The following TSPAN9 variants were observed in gnomAD, a reference collection of about 807,000 sequenced individuals.
TSPAN9 encodes tetraspanin 9, also known as tetraspanin-9.
TSPAN9 carries 16 observed loss-of-function variants against 31.0 expected under a neutral mutation model. That is an observed-to-expected ratio of 0.52 (90% CI 0.35 to 0.78). TSPAN9 has a LOEUF of 0.78. Ranked by LOEUF, TSPAN9 falls within the 30% of genes least tolerant of loss-of-function variation. The probability of loss-of-function intolerance (pLI) is 0.01; values close to 1 mark genes in which losing one functional copy is unlikely to be tolerated. For missense variants in TSPAN9, 272 were observed against 312.5 expected (o/e 0.87, Z 0.98); for synonymous variants, 145 against 121.6 (o/e 1.19, Z -1.27).
chr12:3,160,959 G>A (rs1238318903), intron 2 of TSPAN9, among the ~76,000 whole-genome samples: 1 of 152,092 alleles, frequency 6.6e-6, no homozygotes, highest in Non-Finnish European at 1.5e-5. Context: ...GGTGGCTCAC[G>A]CCTATAATCC....
chr12:3,118,256 GTTTTTTTTTTTTTT>G (rs72307230), intron 2 of TSPAN9, among the ~76,000 whole-genome samples: 1 of 31,582 alleles, frequency 3.2e-5, no homozygotes, highest in Non-Finnish European at 6.4e-5. Context: ...TGCACCCGCC[GTTTTTTTTTTTTTT>G]TTTTTTTTTT....
At chr12:3,268,183 C>CGTTCCTGCAGCCTGCCCTCCCTGT (rs1862575422) in intron 3 of TSPAN9, among the ~76,000 whole-genome samples, 1 of 130,844 alleles carries the variant, frequency 7.6e-6, no homozygotes, top group Non-Finnish European at 1.6e-5. Flanking sequence ...ACCCTCCGTG[C>CGTTCCTGCAGCCTGCCCTCCCTGT]GTTCCTGCAG....
At chr12:3,113,305 A>C (rs1319070613) in intron 2 of TSPAN9, among the ~76,000 whole-genome samples, 2 of 152,154 alleles carry the variant, frequency 1.3e-5, no homozygotes, top group African/African-American at 2.4e-5. Flanking sequence ...TGGACCCTGC[A>C]AAGGATGGAG....
chr12:3,274,825 C>A (rs917831090), intron 3 of TSPAN9, among the ~76,000 whole-genome samples: 32 of 152,244 alleles, frequency 2.1e-4, no homozygotes, highest in African/African-American at 7.5e-4. Flanking sequence ...CTGTACTGCA[C>A]AGGCCTCCTC....
intron 3 of TSPAN9, among the ~76,000 whole-genome samples, chr12:3,220,312 T>C (rs2098383763): frequency 6.6e-6 from 1 of 152,198 alleles, no homozygotes; most frequent in Non-Finnish European, 1.5e-5. Context: ...TCCGTGCTCT[T>C]AACCACTATT....
rs1047947204 is a variant in TSPAN9, at chr12:3,100,310, C to G, written c.-18+16591C>G. 1.5e-3 allele frequency among the ~76,000 whole-genome samples: 231 copies of G among 152,262 alleles called. 1 individual carries two copies. Among genetic ancestry groups the G allele is most frequent in the Non-Finnish European group, 1.6e-4 (11 of 68,032 alleles). On this transcript the variant is annotated intron_variant, in intron 2 of 8. Coordinates refer to ENST00000011898, the MANE Select transcript of TSPAN9 (RefSeq NM_006675.5). ...AGAGTCTGGGTACTCTTCTCGAAGT[C>G]TCTTCGCACTCTCTGCTCTCCTCTC... is the stretch of plus-strand genomic sequence containing the variant.
chr12:3,138,269 C>T (rs1409098783), intron 2 of TSPAN9, among the ~76,000 whole-genome samples: 1 of 152,148 alleles, frequency 6.6e-6, no homozygotes, highest in African/African-American at 2.4e-5. Context: ...AGACGAGAGC[C>T]CTGGGGCTGG....
intron 2 of TSPAN9, among the ~76,000 whole-genome samples, chr12:3,142,024 C>T (rs991718624): frequency 6.6e-6 from 1 of 152,198 alleles, no homozygotes; most frequent in East Asian, 1.9e-4. Context: ...TCAGGCATTG[C>T]GCTAAGTGTC....
intron 3 of TSPAN9, among the ~76,000 whole-genome samples, chr12:3,238,579 G>T (rs1449312962): frequency 6.6e-6 from 1 of 152,218 alleles, no homozygotes; most frequent in Non-Finnish European, 1.5e-5. Context: ...CACGGGAACG[G>T]CCCTGGCTGA....
At chr12:3,183,868 T>C (rs2098359703) in intron 2 of TSPAN9, among the ~76,000 whole-genome samples, 2 of 152,182 alleles carry the variant, frequency 1.3e-5, no homozygotes. Context: ...GTAAGTTGGG[T>C]ACAATGATGT....
At chr12:3,185,612 C>T (rs550457081) in intron 2 of TSPAN9, among the ~76,000 whole-genome samples, 46 of 152,310 alleles carry the variant, frequency 3.0e-4, no homozygotes, top group African/African-American at 8.9e-4. Flanking sequence ...ACCTCCACCC[C>T]GGCTGCCAGC....
At chr12:3,242,528 C>T (rs1007768061) in intron 3 of TSPAN9, among the ~76,000 whole-genome samples, 1 of 152,252 alleles carries the variant, frequency 6.6e-6, no homozygotes, top group African/African-American at 2.4e-5. Context: ...AACTGGGTCC[C>T]CTGGTGGCCA....
chr12:3,122,389 A>C (rs1013276214), intron 2 of TSPAN9, among the ~76,000 whole-genome samples: 2 of 151,806 alleles, frequency 1.3e-5, no homozygotes, highest in Admixed American at 6.6e-5. Context: ...ATCATAGCTC[A>C]CTGCAGCGTT....
chr12:3,159,481 T>C (rs991086599), intron 2 of TSPAN9, among the ~76,000 whole-genome samples: 3 of 152,100 alleles, frequency 2.0e-5, no homozygotes, highest in African/African-American at 4.8e-5. Context: ...TGTGACTGTA[T>C]TTGGAGGGAG....
rs116365976 is a variant in TSPAN9, at chr12:3,244,363, C to T, written c.64-34058C>T. Reference sequence around the variant, plus strand: ...ACTCCCTCAAGGCCTGTGGACATCTCGGGGTGAGGTGTGTGGAAGCCCCAC... The same window carrying T: ...ACTCCCTCAAGGCCTGTGGACATCTTGGGGTGAGGTGTGTGGAAGCCCCAC... On this transcript the variant is annotated intron_variant, in intron 3 of 8. Coordinates refer to ENST00000011898, the MANE Select transcript of TSPAN9 (RefSeq NM_006675.5). Among the ~76,000 whole-genome samples, 891 of 152,314 alleles carry T rather than the reference C, an allele frequency of 5.8e-3. 8 individuals are homozygous for T. The highest frequency in any genetic ancestry group is 0.019 in the African/African-American group (780 of 41,564).
At chr12:3,255,082 C>T (rs912353618) in intron 3 of TSPAN9, among the ~76,000 whole-genome samples, 1 of 152,206 alleles carries the variant, frequency 6.6e-6, no homozygotes, top group African/African-American at 2.4e-5. Context: ...CCCTTTGTCC[C>T]CCAGAGCCCA....
chr12:3,142,825 G>A (rs2098335501), intron 2 of TSPAN9, among the ~76,000 whole-genome samples: 2 of 152,204 alleles, frequency 1.3e-5, no homozygotes, highest in African/African-American at 2.4e-5. Flanking sequence ...CATTGGAATA[G>A]CGTTATTAAC....
At chr12:3,217,448 G>T (rs895804983) in intron 3 of TSPAN9, among the ~76,000 whole-genome samples, 1 of 152,164 alleles carries the variant, frequency 6.6e-6, no homozygotes, top group African/African-American at 2.4e-5. Flanking sequence ...GCCCAGTGTT[G>T]CTGGGAATGA....
At chr12:3,278,316 A>G (rs1862828610) in intron 3 of TSPAN9, 105 bp from the exon 4 acceptor site, 4 of 1,483,210 alleles carry the variant, frequency 2.7e-6, no homozygotes, top group Non-Finnish European at 1.8e-6. Flanking sequence ...GTCGGTTCTC[A>G]CTTTGTCTGT....
Sources: gnomAD v4.1 joint callset for allele counts (sites outside exome capture counted in the v4.1 genomes callset) on GRCh38, gnomAD v4.1.1 for gene constraint, MANE v1.5 for transcripts, NCBI Gene and HGNC (gene_info 2026-07-23, HGNC 2026-07-21) for gene names.